The following TRIM59 variants were observed in gnomAD, a reference collection of about 807,000 sequenced individuals.
TRIM59 encodes tripartite motif-containing protein 59.
In TRIM59, 14 loss-of-function variants were observed where a neutral mutation model predicts 32.2. The ratio of observed to expected loss-of-function variants is 0.43; its 90% confidence interval spans 0.29 to 0.68. The LOEUF (loss-of-function observed/expected upper bound fraction) is 0.68. Among genes scored for constraint, TRIM59 ranks in the 30% least tolerant of loss-of-function variants. The probability of loss-of-function intolerance (pLI) is 0.15; values close to 1 mark genes in which losing one functional copy is unlikely to be tolerated. For missense variants in TRIM59, 471 were observed against 463.3 expected (o/e 1.02, Z -0.15); for synonymous variants, 163 against 155.1 (o/e 1.05, Z -0.38).
At chr3:160,446,142 C>T (rs1719518691) in intron 2 of TRIM59, among the ~76,000 whole-genome samples, 1 of 152,110 alleles carries the variant, frequency 6.6e-6, no homozygotes, top group Admixed American at 6.5e-5. Context: ...ATAAACAAGC[C>T]ATTAGCTATC....
At chr3:160,442,617 G>A (rs1001509022) in intron 2 of TRIM59, among the ~76,000 whole-genome samples, 6 of 151,826 alleles carry the variant, frequency 4.0e-5, no homozygotes, top group African/African-American at 1.2e-4. Flanking sequence ...GCTATCATAT[G>A]TAAAATTTTT....
At chr3:160,441,072 C>T (rs1000240277) in intron 2 of TRIM59, among the ~76,000 whole-genome samples, 3 of 152,240 alleles carry the variant, frequency 2.0e-5, no homozygotes, top group Admixed American at 1.3e-4. Context: ...TCTTTACGAT[C>T]TGTCAAACTC....
chr3:160,441,880 TTAAAG>T (rs925787344), intron 2 of TRIM59, among the ~76,000 whole-genome samples: 9 of 151,662 alleles, frequency 5.9e-5, no homozygotes, highest in Non-Finnish European at 1.0e-4. Flanking sequence ...TTCCAGCAAA[TTAAAG>T]TAATTGAGCA....
Position 160,448,712 on chromosome 3 carries a change from C to T in TRIM59, c.-4+14G>A, listed in dbSNP as rs1348400513. The T allele has an allele frequency of 1.6e-6, 2 of 1,259,316 alleles. No individual in the cohort carries two copies. The highest frequency in any genetic ancestry group is 2.1e-6 in the Non-Finnish European group (2 of 963,702). The allele number at this position is 1,259,316 out of a possible 1,614,324, so 78.0% of individuals were successfully genotyped here. On this transcript the variant is annotated intron_variant, in intron 2 of 2. Transcript: ENST00000309784. ...ATTGTTTTTCATATTTATTTAATCT[C>T]CCAGATTACCTACTTTGTTGATCTC...
intron 2 of TRIM59, among the ~76,000 whole-genome samples, chr3:160,447,288 C>G (rs189465134): frequency 6.6e-6 from 1 of 152,212 alleles, no homozygotes; most frequent in East Asian, 1.9e-4. Context: ...GTATTTTCCT[C>G]TAGTGAGTAC....
Position 160,436,855 on chromosome 3 carries a change from T to C in TRIM59, c.*1117A>G. 1 of 946,896 alleles carries C rather than the reference T, an allele frequency of 1.1e-6. No homozygotes were observed. The highest frequency in any genetic ancestry group is 1.3e-6 in the Non-Finnish European group (1 of 797,594). The allele number at this position is 946,896 out of a possible 1,614,324, so 58.7% of individuals were successfully genotyped here. A position where few individuals can be genotyped will look rare whatever the true frequency, so the allele number is the denominator to read the frequency against. ...AAGTTGTTGGTACTTTTGCATTAGC[T>C]TAAGGGAATGTGGTAGAAAATTTAA... On this transcript the variant is annotated 3_prime_UTR_variant, in exon 3 of 3. Coordinates refer to ENST00000309784, the MANE Select transcript of TRIM59 (RefSeq NM_173084.3).
Position 160,436,742 on chromosome 3 carries a change from G to A in TRIM59, c.*1230C>T, listed in dbSNP as rs553647543. The A allele has an allele frequency of 3.5e-4, 241 of 694,974 alleles. 1 individual carries two copies. In the African/African-American group the frequency reaches 5.3e-3, roughly 15 times the overall value. The allele number at this position is 694,974 out of a possible 1,614,324, so 43.1% of individuals were successfully genotyped here. ...GAACCCGGGAGGCGGGGCTTGCAAT[G>A]AGCCGAGATCACGCCACTGCACTCC... On this transcript the variant is annotated 3_prime_UTR_variant, in exon 3 of 3. Transcript: ENST00000309784.
intron 2 of TRIM59, among the ~76,000 whole-genome samples, chr3:160,441,319 C>T (rs1719225163): frequency 6.6e-6 from 1 of 152,206 alleles, no homozygotes; most frequent in Non-Finnish European, 1.5e-5. Flanking sequence ...CAGGCATTCA[C>T]TTGTTACTGC....
rs1718925961 is a variant in TRIM59 at position 160,436,053 on chromosome 3, C to T, written c.*1919G>A. ...AATCAGTGCAACTTAGTATTTTTAT[C>T]TCTAGCTGAGTATGTGTCTCTCCTT... On this transcript the variant is annotated 3_prime_UTR_variant, in exon 3 of 3. Transcript: ENST00000309784. 8.5e-7 allele frequency: 1 copy of T among 1,178,478 alleles called. No individual in the cohort carries two copies. 73.0% of individuals were successfully genotyped at this position (1,178,478 alleles called of 1,614,324 possible).
Position 160,438,590 on chromosome 3 carries a change from C to A in TRIM59, c.594G>T (p.Gln198His). 3.7e-6 allele frequency: 6 copies of A among 1,601,518 alleles called. No homozygotes were observed. Among genetic ancestry groups the A allele is most frequent in the Non-Finnish European group, 5.1e-6 (6 of 1,176,254 alleles). Residue 198 changes from glutamine to histidine, a missense_variant, in exon 3 of 3, where the codon CAG becomes CAT. Coordinates refer to ENST00000309784, the MANE Select transcript of TRIM59 (RefSeq NM_173084.3). Reference protein sequence around the residue: ...YFKELNDTLEQKKKSFLTALC... With the variant: ...YFKELNDTLEHKKKSFLTALC... ...GAGCCGTTAGGAAACTTTTTTTTTT[C>A]TGTTCTAATGTATCATTAAGCTCCT...
Position 160,435,732 on chromosome 3 carries a change from T to A in TRIM59, c.*2240A>T. On this transcript the variant is annotated 3_prime_UTR_variant, in exon 3 of 3. Coordinates refer to ENST00000309784, the MANE Select transcript of TRIM59 (RefSeq NM_173084.3). Reference sequence around the variant, plus strand: ...ACAAAATGTCAAATCTAAAATGATATATATACTTACGTTTTTAGCATTCTT... The same window carrying A: ...ACAAAATGTCAAATCTAAAATGATAAATATACTTACGTTTTTAGCATTCTT... 3.1e-6 allele frequency: 1 copy of A among 317,730 alleles called. No homozygotes were observed. Among genetic ancestry groups the A allele is most frequent in the Non-Finnish European group, 6.2e-6 (1 of 160,900 alleles). 19.7% of individuals were successfully genotyped at this position (317,730 alleles called of 1,614,324 possible).
At position 160,437,843 on chromosome 3, in the gene TRIM59, CAAATAT is replaced by C. The variant is rs1719056397; in HGVS notation, c.*123_*128del. The C allele has an allele frequency of 1.5e-6, 2 of 1,292,208 alleles. No individual in the cohort carries two copies. The highest frequency in any genetic ancestry group is 3.1e-5 in the African/African-American group (2 of 65,258). 80.0% of individuals were successfully genotyped at this position (1,292,208 alleles called of 1,614,324 possible). Reference sequence around the variant, plus strand: ...TATCATTGCTAACCAAAAGAAGCAACAAATATAAACATTTGTTTATATTAGTTGCAG... The same window carrying C: ...TATCATTGCTAACCAAAAGAAGCAACAAACATTTGTTTATATTAGTTGCAG... On this transcript the variant is annotated 3_prime_UTR_variant, in exon 3 of 3. Coordinates refer to ENST00000309784, the MANE Select transcript of TRIM59 (RefSeq NM_173084.3).
intron 2 of TRIM59, among the ~76,000 whole-genome samples, chr3:160,440,638 G>T (rs143951067): frequency 6.6e-6 from 1 of 152,080 alleles, no homozygotes; most frequent in Non-Finnish European, 1.5e-5. Context: ...ATGGCCAGGC[G>T]CAGTGGTTCA....
rs1577022765 is a variant in TRIM59 at position 160,449,751 on chromosome 3, A to C, written c.-108T>G. On this transcript the variant is annotated 5_prime_UTR_variant, in exon 1 of 3. Coordinates refer to ENST00000309784, the MANE Select transcript of TRIM59 (RefSeq NM_173084.3). ...GAAGCGGACCAGGCAACTCCACAGC[A>C]CGGAAACACAGCGCCACGAGCTCCA... The C allele has an allele frequency of 1.6e-6, 2 of 1,287,824 alleles. No homozygotes were observed. 79.8% of individuals were successfully genotyped at this position (1,287,824 alleles called of 1,614,324 possible).
intron 2 of TRIM59, among the ~76,000 whole-genome samples, chr3:160,442,604 ACTG>A (rs1361530384): frequency 2.0e-5 from 3 of 152,266 alleles, no homozygotes; most frequent in African/African-American, 2.4e-5. Context: ...TCTCAAAGTT[ACTG>A]CTATCATATG....
chr3:160,439,778 AC>A lies in TRIM59; in HGVS notation c.-3-593del, dbSNP rs79474521. Reference sequence around the variant, plus strand: ...TTAAACCTCTTTTTCCTTATAAATTACCCAGTCTCAGGTATGTCTTTATCAG... The same window carrying A: ...TTAAACCTCTTTTTCCTTATAAATTACCAGTCTCAGGTATGTCTTTATCAG... On this transcript the variant is annotated intron_variant, in intron 2 of 2. Coordinates refer to ENST00000309784, the MANE Select transcript of TRIM59 (RefSeq NM_173084.3). Among the ~76,000 whole-genome samples, 3 of 152,212 alleles carry A rather than the reference AC, an allele frequency of 2.0e-5. No homozygotes were observed. The East Asian group carries it at 5.8e-4, about 29-fold the overall frequency.
Position 160,436,343 on chromosome 3 carries a change from G to C in TRIM59, c.*1629C>G. 2 of 986,106 alleles carry C rather than the reference G, an allele frequency of 2.0e-6. No individual in the cohort carries two copies. The highest frequency in any genetic ancestry group is 2.4e-6 in the Non-Finnish European group (2 of 830,142). 61.1% of individuals were successfully genotyped at this position (986,106 alleles called of 1,614,324 possible). ...TAGGTAAGGCTCTTCGGTGATCCAAGAGCAGCCCCTTTGGGATTTCTGGAA... is the reference window on the plus strand; with the variant it reads ...TAGGTAAGGCTCTTCGGTGATCCAACAGCAGCCCCTTTGGGATTTCTGGAA... On this transcript the variant is annotated 3_prime_UTR_variant, in exon 3 of 3. Coordinates refer to ENST00000309784, the MANE Select transcript of TRIM59 (RefSeq NM_173084.3).
rs1719109370 is a variant in TRIM59, at chr3:160,438,926, G to A, written c.258C>T (p.Tyr86=). 1.9e-6 allele frequency: 3 copies of A among 1,614,096 alleles called. No homozygotes were observed. In the East Asian group the frequency reaches 6.7e-5, roughly 36 times the overall value. The part of the protein sequence containing the change: ...NFALRAIIEK[Y]QQEDHPDIVT... ...CAATATCTGGATGGTCTTCTTGCTGGTACTTTTCAATAATAGCCCTTAGTG... is the reference window on the plus strand; with the variant it reads ...CAATATCTGGATGGTCTTCTTGCTGATACTTTTCAATAATAGCCCTTAGTG... Residue 86 remains tyrosine, a synonymous_variant, in exon 3 of 3, where the codon TAC becomes TAT. Transcript: ENST00000309784.
intron 2 of TRIM59, among the ~76,000 whole-genome samples, chr3:160,447,430 A>G (rs1370352649): frequency 6.6e-6 from 1 of 152,250 alleles, no homozygotes; most frequent in African/African-American, 2.4e-5. Context: ...TTATTTCACT[A>G]ATGTCTAGTG....
Sources: gnomAD v4.1 joint callset for allele counts (sites outside exome capture counted in the v4.1 genomes callset) on GRCh38, gnomAD v4.1.1 for gene constraint, MANE v1.5 for transcripts, NCBI Gene and HGNC (gene_info 2026-07-23, HGNC 2026-07-21) for gene names.